Variants in ABTB3 observed in about 807,000 individuals in gnomAD.
ABTB3 encodes the protein ankyrin repeat- and BTB/POZ domain-containing protein 3.
At chr12:107,643,402 CAAAAAAAAAAA>C in the ABTB3 span, among the ~76,000 whole-genome samples, 1 of 79,536 alleles carries the variant, frequency 1.3e-5, no homozygotes, top group Non-Finnish European at 2.6e-5. Context: ...GACCCTATCT[CAAAAAAAAAAA>C]AAAAAAAAAA....
At chr12:107,639,116 G>C in the ABTB3 span, among the ~76,000 whole-genome samples, 1 of 152,204 alleles carries the variant, frequency 6.6e-6, no homozygotes, top group East Asian at 1.9e-4. Context: ...AGGTTTGGAA[G>C]GGGCTGGAAG....
chr12:107,636,377 G>T, the ABTB3 span, among the ~76,000 whole-genome samples: 2 of 152,270 alleles, frequency 1.3e-5, no homozygotes, highest in Non-Finnish European at 2.9e-5. Flanking sequence ...AAAGATAAAG[G>T]ATTCTTTTTC....
At chr12:107,440,937 A>G in the ABTB3 span, among the ~76,000 whole-genome samples, 1 of 152,216 alleles carries the variant, frequency 6.6e-6, no homozygotes, top group Non-Finnish European at 1.5e-5. Context: ...TTTATAGATG[A>G]GGAATATGAG....
the ABTB3 span, among the ~76,000 whole-genome samples, chr12:107,540,106 ACTC>A: frequency 6.6e-6 from 1 of 151,906 alleles, no homozygotes. Flanking sequence ...CTCTAACAAA[ACTC>A]CTGAGACTGG....
At chr12:107,614,340 CA>C in the ABTB3 span, among the ~76,000 whole-genome samples, 1 of 152,056 alleles carries the variant, frequency 6.6e-6, no homozygotes, top group Non-Finnish European at 1.5e-5. Context: ...TTCGGTAGTG[CA>C]AGAGGGTCCT....
At chr12:107,392,890 C>G in the ABTB3 span, among the ~76,000 whole-genome samples, 1 of 152,208 alleles carries the variant, frequency 6.6e-6, no homozygotes, top group Non-Finnish European at 1.5e-5. Context: ...CCTGGGGAAG[C>G]TCTCCCGCCC....
the ABTB3 span, among the ~76,000 whole-genome samples, chr12:107,566,237 T>G: frequency 0.043 from 6,484 of 152,276 alleles, 445 homozygotes; most frequent in African/African-American, 0.15. Flanking sequence ...GTTCCTTTTT[T>G]ATTTTTCTTT....
At chr12:107,581,312 C>CGGGGGCGGGCG in the ABTB3 span, 1 of 1,318,872 alleles carries the variant, frequency 7.6e-7, no homozygotes, top group Non-Finnish European at 9.6e-7. Flanking sequence ...CAGGTAGGCG[C>CGGGGGCGGGCG]GGGGGCGGGC....
the ABTB3 span, among the ~76,000 whole-genome samples, chr12:107,626,011 G>A: frequency 6.6e-6 from 1 of 152,052 alleles, no homozygotes; most frequent in Non-Finnish European, 1.5e-5. Context: ...GTGGTCCTTT[G>A]GCTAGATACA....
the ABTB3 span, among the ~76,000 whole-genome samples, chr12:107,592,223 C>T: frequency 6.6e-6 from 1 of 152,144 alleles, no homozygotes; most frequent in African/African-American, 2.4e-5. Flanking sequence ...AAATGCAATT[C>T]AATTTTATAC....
At chr12:107,580,651 A>T in the ABTB3 span, 1 of 446,186 alleles carries the variant, frequency 2.2e-6, no homozygotes. Flanking sequence ...TGAAGCCTGA[A>T]AGAGCTCCAG....
At chr12:107,651,681 C>G in the ABTB3 span, 3 of 1,613,738 alleles carry the variant, frequency 1.9e-6, no homozygotes, top group Non-Finnish European at 2.5e-6. Flanking sequence ...TAGCTTCTGT[C>G]TGCTGCTAAG....
At chr12:107,620,535 G>A in the ABTB3 span, among the ~76,000 whole-genome samples, 1 of 152,184 alleles carries the variant, frequency 6.6e-6, no homozygotes, top group African/African-American at 2.4e-5. Flanking sequence ...AGTTCAGGAA[G>A]GAGGAATGGG....
At chr12:107,629,034 GAGTGGAGTCA>G in the ABTB3 span, among the ~76,000 whole-genome samples, 2 of 152,198 alleles carry the variant, frequency 1.3e-5, no homozygotes, top group Admixed American at 6.5e-5. Context: ...TTTAGGAGAA[GAGTGGAGTCA>G]AAGGAGAAGA....
chr12:107,618,126 A>G, the ABTB3 span: 1 of 1,599,042 alleles, frequency 6.3e-7, no homozygotes, highest in South Asian at 1.1e-5. Flanking sequence ...TCCATCTCTG[A>G]GTGTCATCCT....
At chr12:107,394,885 C>A in the ABTB3 span, among the ~76,000 whole-genome samples, 3 of 152,216 alleles carry the variant, frequency 2.0e-5, no homozygotes, top group African/African-American at 7.2e-5. Context: ...CTGTGACTCC[C>A]AGGAGAGCCA....
the ABTB3 span, among the ~76,000 whole-genome samples, chr12:107,454,080 T>A: frequency 6.6e-6 from 1 of 152,264 alleles, no homozygotes; most frequent in Non-Finnish European, 1.5e-5. Context: ...TCATTACATA[T>A]ACTCCCAGCA....
At chr12:107,573,651 C>T in the ABTB3 span, among the ~76,000 whole-genome samples, 6 of 152,274 alleles carry the variant, frequency 3.9e-5, no homozygotes, top group African/African-American at 1.4e-4. Flanking sequence ...AATTGGCTTA[C>T]AAGATTGTGG....
At chr12:107,448,520 A>G in the ABTB3 span, among the ~76,000 whole-genome samples, 9 of 152,378 alleles carry the variant, frequency 5.9e-5, no homozygotes, top group Admixed American at 5.2e-4. Flanking sequence ...AAATAATTTA[A>G]ACTTAAAGTA....
Sources: allele counts gnomAD v4.1 joint callset (sites outside exome capture counted in the v4.1 genomes callset), GRCh38; gene constraint gnomAD v4.1.1; transcripts MANE v1.5; gene names NCBI Gene and HGNC (gene_info 2026-07-23, HGNC 2026-07-21).